PTPRN2: variants seen among roughly 807,000 people sequenced by gnomAD.
PTPRN2 encodes protein tyrosine phosphatase receptor type N2, also known as receptor-type tyrosine-protein phosphatase N2.
A neutral mutation model predicts 118.8 loss-of-function variants in PTPRN2; 74 were observed. That is an observed-to-expected ratio of 0.62 (90% CI 0.52 to 0.76). PTPRN2 has a LOEUF of 0.76. PTPRN2 is among the 30% of genes least tolerant of loss of function. PTPRN2 has a pLI of 0.00. For missense variants in PTPRN2, 1,481 were observed against 1,394.4 expected (o/e 1.06, Z -0.99); for synonymous variants, 641 against 608.0 (o/e 1.05, Z -0.80).
intron 12 of PTPRN2, among the ~76,000 whole-genome samples, chr7:157,892,335 C>T (rs145685819): frequency 1.3e-3 from 205 of 152,228 alleles, no homozygotes; most frequent in African/African-American, 4.7e-3. Context: ...TTATCACTTT[C>T]CTTTGGAAAA....
chr7:157,665,985 G>A (rs144676410), intron 13 of PTPRN2, among the ~76,000 whole-genome samples: 94 of 152,334 alleles, frequency 6.2e-4, no homozygotes, highest in Non-Finnish European at 1.1e-3. Context: ...AGCCTGTCAG[G>A]GGCTGGGGGC....
At chr7:158,245,331 T>G (rs1471624313) in intron 3 of PTPRN2, among the ~76,000 whole-genome samples, 1 of 152,196 alleles carries the variant, frequency 6.6e-6, no homozygotes, top group Non-Finnish European at 1.5e-5. Context: ...CATGCCGGAA[T>G]CCACTGATGG....
At chr7:157,932,881 T>C (rs890410537) in intron 11 of PTPRN2, among the ~76,000 whole-genome samples, 1 of 150,218 alleles carries the variant, frequency 6.7e-6, no homozygotes, top group Admixed American at 6.6e-5. Context: ...AGAGGAGGGG[T>C]GAATCACTCC....
chr7:158,239,302 C>T (rs192667039), intron 3 of PTPRN2, among the ~76,000 whole-genome samples: 9 of 152,202 alleles, frequency 5.9e-5, no homozygotes, highest in South Asian at 2.1e-4. Flanking sequence ...GGAGCAGACG[C>T]GACCTCCAGC....
chr7:157,826,640 G>A (rs1766209263), intron 12 of PTPRN2, among the ~76,000 whole-genome samples: 1 of 152,042 alleles, frequency 6.6e-6, no homozygotes, highest in Non-Finnish European at 1.5e-5. Flanking sequence ...TCACCCTCAC[G>A]CCAGGCAACA....
intron 12 of PTPRN2, among the ~76,000 whole-genome samples, chr7:157,758,457 G>C: frequency 6.6e-6 from 1 of 152,302 alleles, no homozygotes; most frequent in South Asian, 2.1e-4. Context: ...GGGCTGGGAC[G>C]CGGGCCCCAG....
intron 14 of PTPRN2, among the ~76,000 whole-genome samples, chr7:157,624,344 C>T (rs1183328197): frequency 6.6e-6 from 1 of 152,014 alleles, no homozygotes; most frequent in Non-Finnish European, 1.5e-5. Flanking sequence ...TCGCTTGAAC[C>T]TGGGAAGCGG....
At chr7:158,038,107 T>G (rs546482783) in intron 11 of PTPRN2, among the ~76,000 whole-genome samples, 4 of 152,322 alleles carry the variant, frequency 2.6e-5, no homozygotes, top group Admixed American at 1.3e-4. Context: ...ATGTGCACAC[T>G]TTGTATATGT....
chr7:158,213,311 C>T (rs1344860958), intron 3 of PTPRN2, among the ~76,000 whole-genome samples: 1 of 151,416 alleles, frequency 6.6e-6, no homozygotes, highest in East Asian at 1.9e-4. Context: ...TAAAAGAGCT[C>T]AGTAAATATA....
chr7:157,990,723 C>T lies in PTPRN2; in HGVS notation c.1723+90575G>A, dbSNP rs879361421. On this transcript the variant is annotated intron_variant, in intron 11 of 22. Coordinates refer to ENST00000389418, the MANE Select transcript of PTPRN2 (RefSeq NM_002847.5). The surrounding 1 kb of genome is among the most constrained non-coding windows in gnomAD (Gnocchi z 4.3). ...GGCCGGTGCTCAGGAGCTGGGGCTG[C>T]CTGGGGCACAAAGCACGTGGACTAG... Among the ~76,000 whole-genome samples, 1 of 152,146 alleles carries T rather than the reference C, an allele frequency of 6.6e-6. No homozygotes were observed. Among genetic ancestry groups the T allele is most frequent in the Non-Finnish European group, 1.5e-5 (1 of 68,034 alleles).
intron 1 of PTPRN2, among the ~76,000 whole-genome samples, chr7:158,527,029 T>G (rs1278641979): frequency 6.6e-6 from 1 of 152,120 alleles, no homozygotes; most frequent in Non-Finnish European, 1.5e-5. Context: ...TTATGGTTTG[T>G]GACAAATATC....
At chr7:158,199,982 A>G (rs1826507221) in intron 4 of PTPRN2, among the ~76,000 whole-genome samples, 2 of 152,212 alleles carry the variant, frequency 1.3e-5, no homozygotes, top group Non-Finnish European at 1.5e-5. Flanking sequence ...ATGGCCACAA[A>G]TTAAATCCAA....
At chr7:158,205,954 T>G (rs1431486499) in intron 3 of PTPRN2, among the ~76,000 whole-genome samples, 1 of 152,178 alleles carries the variant, frequency 6.6e-6, no homozygotes, top group Non-Finnish European at 1.5e-5. Flanking sequence ...CTCACCACCA[T>G]GGGCTAAAGT....
chr7:157,770,419 G>A (rs897015890), intron 12 of PTPRN2, among the ~76,000 whole-genome samples: 3 of 152,188 alleles, frequency 2.0e-5, no homozygotes, highest in African/African-American at 7.2e-5. Flanking sequence ...GGTCTCAGCA[G>A]GTCCCACCTC....
At chr7:158,070,579 G>A (rs1227707726) in intron 11 of PTPRN2, among the ~76,000 whole-genome samples, 13 of 116,822 alleles carry the variant, frequency 1.1e-4, no homozygotes, top group African/African-American at 4.1e-4. Context: ...AGGTGCCCGT[G>A]GTGGTGGAGG....
At chr7:158,538,865 A>C (rs570591239) in intron 1 of PTPRN2, among the ~76,000 whole-genome samples, 92 of 152,216 alleles carry the variant, frequency 6.0e-4, no homozygotes, top group African/African-American at 2.0e-3. Context: ...CCCACTTCAC[A>C]GATGAGGGAA....
rs113653868 is a variant in PTPRN2, at chr7:158,549,079, G to T, written c.112+38479C>A. Among the ~76,000 whole-genome samples, 790 of 152,334 alleles carry T rather than the reference G, an allele frequency of 5.2e-3. 6 individuals are homozygous for T. The highest frequency in any genetic ancestry group is 0.018 in the African/African-American group (756 of 41,570). On this transcript the variant is annotated intron_variant, in intron 1 of 22. Transcript: ENST00000389418. ...GCCGAGGGAGCAGGACTGAGAAGCT[G>T]GTTTTCCACAGGTTCTTGTCATCCA... is the stretch of plus-strand genomic sequence containing the variant.
intron 2 of PTPRN2, among the ~76,000 whole-genome samples, chr7:158,344,473 C>T (rs1036833024): frequency 2.0e-5 from 3 of 152,128 alleles, no homozygotes; most frequent in Non-Finnish European, 4.4e-5. Context: ...ACACTTGCAA[C>T]GCCTTGCACC....
At chr7:157,698,081 A>G (rs920833523) in intron 12 of PTPRN2, among the ~76,000 whole-genome samples, 8 of 152,266 alleles carry the variant, frequency 5.3e-5, no homozygotes, top group Non-Finnish European at 1.0e-4. Context: ...TGAACTGGGA[A>G]GATTTTTAAG....
Sources: gnomAD v4.1 joint callset for allele counts (sites outside exome capture counted in the v4.1 genomes callset) on GRCh38, gnomAD v4.1.1 for gene constraint, Gnocchi (gnomAD v3.1) non-coding constraint, MANE v1.5 for transcripts, NCBI Gene and HGNC (gene_info 2026-07-23, HGNC 2026-07-21) for gene names.